Variants in GATA3 observed in about 807,000 individuals in gnomAD.
GATA3 encodes the protein GATA binding protein 3, also known as trans-acting T-cell-specific transcription factor GATA-3.
Under a neutral mutation model 36.0 loss-of-function variants are expected in GATA3, and 6 were observed. That is an observed-to-expected ratio of 0.17 (90% CI 0.09 to 0.33). The LOEUF (loss-of-function observed/expected upper bound fraction) is 0.33, where lower values mean the gene tolerates loss of function less well. GATA3 is among the 10% of genes least tolerant of loss of function. The pLI is 1.00. For missense variants in GATA3, 514 were observed against 610.1 expected, an observed-to-expected ratio of 0.84 and a Z score of 1.66; for synonymous variants, 326 against 273.0, an observed-to-expected ratio of 1.19 and a Z score of -1.92.
At chr10:8,054,065 C>G (rs1832568658), upstream of GATA3, among the ~76,000 whole-genome samples, 1 of 152,160 alleles carries the variant, frequency 6.6e-6, no homozygotes, top group South Asian at 2.1e-4. The surrounding 1 kb of genome is among the most constrained non-coding windows in gnomAD (Gnocchi z 4.2). Flanking sequence ...ACAAAATTGA[C>G]GCGGACGCTC....
Position 8,074,870 on chromosome 10 carries a change from A to G in GATA3, c.*847A>G, listed in dbSNP as rs1260807046. On this transcript the variant is annotated 3_prime_UTR_variant, in exon 6 of 6. Coordinates refer to ENST00000379328, the MANE Select transcript of GATA3 (RefSeq NM_001002295.2). ...TCTCTCTCAATTTTTGGTTGAATAA[A>G]CTAGATTACATTCAGTTGGCCTAAG... is the stretch of plus-strand genomic sequence containing the variant. 1 of 233,620 alleles carries G rather than the reference A, an allele frequency of 4.3e-6. No homozygotes were observed. The highest frequency in any genetic ancestry group is 8.5e-6 in the Non-Finnish European group (1 of 118,070). The allele number at this position is 233,620 out of a possible 1,614,324, so 14.5% of individuals were successfully genotyped here.
Position 8,069,571 on chromosome 10 carries a change from C to G in GATA3, c.1023C>G (p.Ala341=), listed in dbSNP as rs749551306. Residue 341 remains alanine (A), a synonymous_variant, in exon 5 of 6, where the codon GCC becomes GCG. Transcript: ENST00000379328. The stretch of plus-strand genomic sequence containing the variant: ...CCAATGGGGACCCTGTCTGCAATGC[C>G]TGTGGGCTCTACTACAAGCTTCACA... The part of the protein sequence containing the change: ...RNANGDPVCN[A]CGLYYKLHNI... The G allele has an allele frequency of 1.9e-6, 3 of 1,614,106 alleles. No homozygotes were observed. Among genetic ancestry groups the G allele is most frequent in the Non-Finnish European group, 2.5e-6 (3 of 1,180,014 alleles).
chr10:8,066,134 G>C (rs1485472687), intron 4 of GATA3, among the ~76,000 whole-genome samples: 1 of 151,772 alleles, frequency 6.6e-6, no homozygotes, highest in African/African-American at 2.4e-5. Context: ...CTCAAGGCAT[G>C]GGCTGATTGG....
In GATA3 at chr10:8,071,607, C is replaced by T. The variant is rs1417211649; in HGVS notation, c.1050+2009C>T. Among the ~76,000 whole-genome samples, 3 of 152,308 alleles carry T rather than the reference C, an allele frequency of 2.0e-5. No homozygotes were observed. In the South Asian group the frequency reaches 6.2e-4, roughly 32 times the overall value. Reference sequence around the variant, plus strand: ...AATGAGCTTGGTCTTCATGGCTGGGCTCCAGTGAATGGGAGACAGAAACTT... The same window carrying T: ...AATGAGCTTGGTCTTCATGGCTGGGTTCCAGTGAATGGGAGACAGAAACTT... On this transcript the variant is annotated intron_variant, in intron 5 of 5. Transcript: ENST00000379328.
At chr10:8,058,055 C>T (rs1832671690) in intron 2 of GATA3, among the ~76,000 whole-genome samples, 1 of 152,182 alleles carries the variant, frequency 6.6e-6, no homozygotes, top group East Asian at 1.9e-4. Context: ...GCCACAGGCC[C>T]TTCATTCTGC....
intron 4 of GATA3, among the ~76,000 whole-genome samples, chr10:8,067,687 G>C (rs1030737670): frequency 2.1e-5 from 3 of 140,540 alleles, no homozygotes; most frequent in African/African-American, 8.6e-5. Flanking sequence ...GGGCGGTGGC[G>C]GGCGCCTGTA....
chr10:8,051,173 A>C (rs752643568), upstream of GATA3: 1 of 483,012 alleles, frequency 2.1e-6, no homozygotes, highest in Non-Finnish European at 4.3e-6. Context: ...AGGGACTTGC[A>C]CGTGGGCATG....
At chr10:8,048,837 C>G (rs191720435), upstream of GATA3, among the ~76,000 whole-genome samples, 207 of 152,332 alleles carry the variant, frequency 1.4e-3, no homozygotes, top group African/African-American at 4.4e-3. Flanking sequence ...CGCTGCACCC[C>G]TACCTACCCA....
chr10:8,069,988 A>G (rs1305639304), intron 5 of GATA3, among the ~76,000 whole-genome samples: 1 of 152,242 alleles, frequency 6.6e-6, no homozygotes, highest in East Asian at 1.9e-4. Flanking sequence ...AGAATGAAAG[A>G]GAAAGGTAAA....
chr10:8,051,171 G>A, upstream of GATA3: 1 of 484,082 alleles, frequency 2.1e-6, no homozygotes, highest in Non-Finnish European at 4.3e-6. Flanking sequence ...GGAGGGACTT[G>A]CACGTGGGCA....
rs11567920 is a variant in GATA3 at position 8,064,758 on chromosome 10, C to T, written c.924+620C>T. 5.6e-3 allele frequency among the ~76,000 whole-genome samples: 853 copies of T among 152,288 alleles called. 13 individuals carry two copies. Among genetic ancestry groups the T allele is most frequent in the African/African-American group, 0.02 (812 of 41,504 alleles). On this transcript the variant is annotated intron_variant, in intron 4 of 5. Coordinates refer to ENST00000379328, the MANE Select transcript of GATA3 (RefSeq NM_001002295.2). ...TCAGCATTTGAGAACTTTCCACAGG[C>T]AATTCCTATGGGAAACGTCGTGTGA...
chr10:8,061,089 C>CTCTCTCTCTCTCTCTCTCTCT (rs754738004), intron 3 of GATA3, among the ~76,000 whole-genome samples: 2 of 145,734 alleles, frequency 1.4e-5, no homozygotes, highest in Admixed American at 6.9e-5. Context: ...CTCTCTCTCT[C>CTCTCTCTCTCTCTCTCTCTCT]TTTTTTACCC....
chr10:8,074,778 G>A lies in GATA3; in HGVS notation c.*755G>A. 8.6e-6 allele frequency: 2 copies of A among 233,706 alleles called. No individual in the cohort carries two copies. Among genetic ancestry groups the A allele is most frequent in the South Asian group, 3.6e-4 (2 of 5,528 alleles). The allele number at this position is 233,706 out of a possible 1,614,324, so 14.5% of individuals were successfully genotyped here. A position where few individuals can be genotyped will look rare whatever the true frequency, so the allele number is the denominator to read the frequency against. On this transcript the variant is annotated 3_prime_UTR_variant, in exon 6 of 6. Transcript: ENST00000379328. Reference sequence around the variant, plus strand: ...ATCATATTATACAGACCGAACTGTTGTATAAATTTATTTACTGCTAGTCTT... The same window carrying A: ...ATCATATTATACAGACCGAACTGTTATATAAATTTATTTACTGCTAGTCTT...
chr10:8,062,383 A>G (rs942640348), intron 3 of GATA3, among the ~76,000 whole-genome samples: 4 of 148,688 alleles, frequency 2.7e-5, no homozygotes, highest in Non-Finnish European at 6.0e-5. Flanking sequence ...TTTTTAAAAA[A>G]CAAAGTAGAC....
chr10:8,074,080 T>C lies in GATA3; in HGVS notation c.*57T>C. ...GAGAGTCCCTGCAGTCCCTTTCGACTTGCATTTTTGCAGGAGCAGTATCAT... is the reference window on the plus strand; with the variant it reads ...GAGAGTCCCTGCAGTCCCTTTCGACCTGCATTTTTGCAGGAGCAGTATCAT... On this transcript the variant is annotated 3_prime_UTR_variant, in exon 6 of 6. Coordinates refer to ENST00000379328, the MANE Select transcript of GATA3 (RefSeq NM_001002295.2). 6.3e-7 allele frequency: 1 copy of C among 1,578,130 alleles called. No individual in the cohort carries two copies. The highest frequency in any genetic ancestry group is 1.1e-5 in the South Asian group (1 of 88,700).
At chr10:8,064,308 C>CTTTTTTTT (rs1315616378) in intron 4 of GATA3, among the ~76,000 whole-genome samples, 170 bp downstream of exon 4, 2 of 114,136 alleles carry the variant, frequency 1.8e-5, no homozygotes, top group African/African-American at 3.6e-5. Context: ...TTTTCTTCTT[C>CTTTTTTTT]TTCTTTTTTT....
chr10:8,064,809 T>G (rs1325139986), intron 4 of GATA3, among the ~76,000 whole-genome samples: 1 of 152,274 alleles, frequency 6.6e-6, no homozygotes, highest in Non-Finnish European at 1.5e-5. Context: ...GCATTTGGTC[T>G]TCTTTTCTCT....
At position 8,055,571 on chromosome 10, in the gene GATA3, G is replaced by GC. The variant is rs2131481711; in HGVS notation, c.-79dup. On this transcript the variant is annotated 5_prime_UTR_variant, in exon 2 of 6. Transcript: ENST00000379328. The surrounding 1 kb of genome is among the most constrained non-coding windows in gnomAD (Gnocchi z 5.4). The stretch of plus-strand genomic sequence containing the variant: ...GACCCCCGACCCTCCGACGGCAGGA[G>GC]CCCCCCGACCTCCCAGGCGGACCGC... 2.7e-6 allele frequency: 4 copies of GC among 1,484,896 alleles called. No individual in the cohort carries two copies. The highest frequency in any genetic ancestry group is 2.1e-5 in the Admixed American group (1 of 47,040). 92.0% of individuals were successfully genotyped at this position (1,484,896 alleles called of 1,614,324 possible).
In GATA3 at chr10:8,058,774, C is replaced by T. The variant is rs777280069; in HGVS notation, c.711C>T (p.Ser237=). 10 of 1,610,392 alleles carry T rather than the reference C, an allele frequency of 6.2e-6. No homozygotes were observed. In the South Asian group the frequency reaches 8.8e-5, roughly 14 times the overall value. ...PEYSSGLFPP[S]SLLGGSPTGF... ...ACAGCTCCGGACTCTTCCCCCCCAG[C>T]AGCCTGCTGGGCGGCTCCCCCACCG... Residue 237 remains serine (S), a synonymous_variant, in exon 3 of 6, where the codon AGC becomes AGT. Coordinates refer to ENST00000379328, the MANE Select transcript of GATA3 (RefSeq NM_001002295.2).
Sources: allele counts gnomAD v4.1 joint callset (sites outside exome capture counted in the v4.1 genomes callset), GRCh38; gene constraint gnomAD v4.1.1; non-coding constraint Gnocchi (gnomAD v3.1); transcripts MANE v1.5; gene names NCBI Gene and HGNC (gene_info 2026-07-23, HGNC 2026-07-21).